STXBP4: variants seen among roughly 807,000 people sequenced by gnomAD.
STXBP4 encodes syntaxin-binding protein 4.
STXBP4 carries 55 observed loss-of-function variants against 76.1 expected under a neutral mutation model. The observed-to-expected ratio is 0.72, with a 90% CI of 0.58 to 0.91. The LOEUF is 0.91. Among genes scored for constraint, STXBP4 ranks in the 40% least tolerant of loss-of-function variants. STXBP4 has a pLI of 0.00. For synonymous variants in STXBP4, 201 were observed against 220.2 expected (o/e 0.91, Z 0.77); for missense variants, 618 against 636.9 (o/e 0.97, Z 0.32).
chr17:55,089,490 GA>G (rs2079382370), intron 16 of STXBP4, among the ~76,000 whole-genome samples: 1 of 152,136 alleles, frequency 6.6e-6, no homozygotes, highest in Non-Finnish European at 1.5e-5. Context: ...TAACTGTGAG[GA>G]AACTTTTGTC....
At chr17:55,099,062 G>A (rs1369975353) in intron 16 of STXBP4, among the ~76,000 whole-genome samples, 4 of 152,094 alleles carry the variant, frequency 2.6e-5, no homozygotes, top group Non-Finnish European at 5.9e-5. Flanking sequence ...TTAAAACAAT[G>A]AGGCACCATT....
Position 55,106,651 on chromosome 17 carries a change from G to A in STXBP4, c.1489+25468G>A, listed in dbSNP as rs574760522. ...TCCTTCAAGAGCTCTTGTAAGGCAGGCCTGGTAGTGACAAAACCTCTCAGC... is the reference window on the plus strand; with the variant it reads ...TCCTTCAAGAGCTCTTGTAAGGCAGACCTGGTAGTGACAAAACCTCTCAGC... On this transcript the variant is annotated intron_variant, in intron 16 of 17. Coordinates refer to ENST00000376352, the MANE Select transcript of STXBP4 (RefSeq NM_178509.6). Among the ~76,000 whole-genome samples the A allele has an allele frequency of 3.9e-4, 59 of 152,068 alleles. 1 individual carries two copies. Among genetic ancestry groups the A allele is most frequent in the Non-Finnish European group, 7.4e-4 (50 of 68,010 alleles).
intron 16 of STXBP4, among the ~76,000 whole-genome samples, chr17:55,128,500 A>G (rs780810566): frequency 6.7e-4 from 102 of 152,346 alleles, no homozygotes; most frequent in Non-Finnish European, 1.1e-3. Context: ...TACTGTGCCT[A>G]ACTTTGGCCT....
intron 17 of STXBP4, among the ~76,000 whole-genome samples, chr17:55,150,424 A>G (rs1283094287): frequency 1.3e-5 from 2 of 152,066 alleles, no homozygotes; most frequent in Non-Finnish European, 2.9e-5. Context: ...TGTCCTGCCA[A>G]CCCTACAACC....
intron 8 of STXBP4, among the ~76,000 whole-genome samples, chr17:55,009,995 C>G (rs1012993717): frequency 2.0e-5 from 3 of 151,870 alleles, no homozygotes; most frequent in Non-Finnish European, 4.4e-5. Flanking sequence ...TACGTTTTAA[C>G]ACATTCCTAT....
chr17:54,975,735 A>G (rs1370571178), intron 1 of STXBP4, among the ~76,000 whole-genome samples: 1 of 152,138 alleles, frequency 6.6e-6, no homozygotes, highest in Non-Finnish European at 1.5e-5. Flanking sequence ...GACCCTGCCT[A>G]CTTCTCTAAC....
At chr17:55,175,818 C>T (rs143594302), downstream of STXBP4, among the ~76,000 whole-genome samples, 1 of 152,320 alleles carries the variant, frequency 6.6e-6, no homozygotes, top group East Asian at 1.9e-4. Flanking sequence ...ATCCCAATCT[C>T]ACTCCCTCCT....
intron 12 of STXBP4, among the ~76,000 whole-genome samples, chr17:55,071,985 G>A (rs1377257175): frequency 6.6e-6 from 1 of 152,166 alleles, no homozygotes; most frequent in Non-Finnish European, 1.5e-5. Flanking sequence ...CTTTGACCCA[G>A]TACCAAGGTA....
chr17:55,134,547 G>A (rs2080007709), intron 16 of STXBP4, among the ~76,000 whole-genome samples: 1 of 152,074 alleles, frequency 6.6e-6, no homozygotes, highest in Admixed American at 6.6e-5. Flanking sequence ...TGATGTATGG[G>A]GTGGGGAGCC....
chr17:55,086,163 T>G (rs1299360802), intron 16 of STXBP4, among the ~76,000 whole-genome samples: 1 of 152,174 alleles, frequency 6.6e-6, no homozygotes, highest in African/African-American at 2.4e-5. Context: ...AGTAAAAAAT[T>G]TCATCAGCAC....
At position 54,990,845 on chromosome 17, in the gene STXBP4, T is replaced by C; in HGVS notation, c.68T>C (p.Ile23Thr). 1.2e-6 allele frequency: 2 copies of C among 1,604,698 alleles called. No individual in the cohort carries two copies. Among genetic ancestry groups the C allele is most frequent in the Non-Finnish European group, 1.7e-6 (2 of 1,177,002 alleles). Reference protein sequence around the residue: ...LLEKDPAFQMITIAKETGLGL... With the variant: ...LLEKDPAFQMTTIAKETGLGL... ...CTTAGGGATCCTGCCTTTCAGATGA[T>C]TACAATTGCCAAGGAAACAGGCCTT... is the stretch of plus-strand genomic sequence containing the variant. Residue 23 changes from isoleucine to threonine, a missense_variant, in exon 4 of 18, where the codon ATT (isoleucine) becomes ACT (threonine). Physicochemically the swap from Ile to Thr is moderately conservative, Grantham distance 89 (BLOSUM62 -1). Coordinates refer to ENST00000376352, the MANE Select transcript of STXBP4 (RefSeq NM_178509.6).
intron 8 of STXBP4, among the ~76,000 whole-genome samples, chr17:55,016,511 G>A (rs1213141101): frequency 1.3e-5 from 2 of 152,226 alleles, no homozygotes; most frequent in Non-Finnish European, 2.9e-5. Flanking sequence ...GATTCTGTAA[G>A]TACTTTAAGG....
intron 16 of STXBP4, among the ~76,000 whole-genome samples, chr17:55,095,435 G>A (rs2079472644): frequency 6.6e-6 from 1 of 152,076 alleles, no homozygotes; most frequent in Non-Finnish European, 1.5e-5. Flanking sequence ...CCTTATTTTG[G>A]GTTAGTGGAA....
chr17:54,995,461 T>C (rs2077785413), intron 4 of STXBP4, among the ~76,000 whole-genome samples: 2 of 152,208 alleles, frequency 1.3e-5, no homozygotes. Flanking sequence ...TTAAAACATA[T>C]ACATATAAGC....
At chr17:55,011,686 C>T (rs1266875396) in intron 8 of STXBP4, among the ~76,000 whole-genome samples, 1 of 151,744 alleles carries the variant, frequency 6.6e-6, no homozygotes, top group Non-Finnish European at 1.5e-5. Flanking sequence ...CCTGTTTTTG[C>T]CTAATTAGCA....
chr17:55,190,043 C>T, the STXBP4 span, among the ~76,000 whole-genome samples: 30 of 152,194 alleles, frequency 2.0e-4, no homozygotes, highest in Middle Eastern at 3.4e-3. Context: ...ACTTTCTAAA[C>T]GGGGAAAAAA....
At chr17:55,077,480 T>A (rs548810490) in intron 13 of STXBP4, among the ~76,000 whole-genome samples, 2 of 152,256 alleles carry the variant, frequency 1.3e-5, no homozygotes, top group South Asian at 4.1e-4. Context: ...CTCTGTGAAG[T>A]TTACTTCTTC....
intron 12 of STXBP4, among the ~76,000 whole-genome samples, 167 bp downstream of exon 12, chr17:55,047,321 A>G (rs1233926640): frequency 6.6e-6 from 1 of 151,698 alleles, no homozygotes; most frequent in Non-Finnish European, 1.5e-5. Flanking sequence ...AAAAGCAATC[A>G]CTTTTGGAGG....
intron 8 of STXBP4, among the ~76,000 whole-genome samples, chr17:55,023,656 A>C (rs2078354844): frequency 6.6e-6 from 1 of 152,104 alleles, no homozygotes; most frequent in African/African-American, 2.4e-5. Context: ...AAAATAAAGA[A>C]GTTTTTAAAA....
Sources: gnomAD v4.1 joint callset for allele counts (sites outside exome capture counted in the v4.1 genomes callset) on GRCh38, gnomAD v4.1.1 for gene constraint, MANE v1.5 for transcripts, NCBI Gene and HGNC (gene_info 2026-07-23, HGNC 2026-07-21) for gene names.